XPO5: variants seen among roughly 807,000 people sequenced by gnomAD.
The protein encoded by XPO5 is exportin-5.
Under a neutral mutation model 160.6 loss-of-function variants are expected in XPO5, and 46 were observed. That is an observed-to-expected ratio of 0.29 (90% CI 0.23 to 0.37). XPO5 has a LOEUF of 0.37. XPO5 is among the 10% of genes least tolerant of loss of function. The pLI, the probability that XPO5 is intolerant of heterozygous loss-of-function variation, is 1.00. For synonymous variants in XPO5, 537 were observed against 519.3 expected (o/e 1.03, Z -0.46); for missense variants, 1,090 against 1,463.9 (o/e 0.74, Z 4.17).
At chr6:43,533,877 C>A (rs1263428301) in intron 21 of XPO5, 30 bp downstream of exon 21, 2 of 1,526,624 alleles carry the variant, frequency 1.3e-6, no homozygotes, top group Non-Finnish European at 1.8e-6. Flanking sequence ...ATAAGATAAA[C>A]CTTAGGAGAA....
chr6:43,547,471 G>A, intron 19 of XPO5, 137 bp downstream of exon 19: 1 of 761,108 alleles, frequency 1.3e-6, no homozygotes, highest in Non-Finnish European at 2.3e-6. Context: ...AGAAAAGAAA[G>A]GAGAAGCTTA....
chr6:43,554,080 C>T (rs1380178505), intron 13 of XPO5, among the ~76,000 whole-genome samples: 3 of 152,106 alleles, frequency 2.0e-5, no homozygotes, highest in Admixed American at 1.3e-4. Context: ...AATAGCAAGG[C>T]ACAAGCAAAA....
Position 43,561,968 on chromosome 6 carries a change from G to GT in XPO5, c.1011+278dup, listed in dbSNP as rs1027170745. 4 of 271,828 alleles carry GT rather than the reference G, an allele frequency of 1.5e-5. No homozygotes were observed. The East Asian group carries it at 2.2e-4, about 15-fold the overall frequency. 16.8% of individuals were successfully genotyped at this position (271,828 alleles called of 1,614,324 possible). A position where few individuals can be genotyped will look rare whatever the true frequency, so the allele number is the denominator to read the frequency against. On this transcript the variant is annotated intron_variant, in intron 9 of 31. Transcript: ENST00000265351. The stretch of plus-strand genomic sequence containing the variant: ...AAAGCACTCAGCAGATTGAGGTTCT[G>GT]TAAGTACCAAAATTCACAAGAAACC...
At chr6:43,568,261 C>T (rs1269974374) in intron 6 of XPO5, among the ~76,000 whole-genome samples, 4 of 152,144 alleles carry the variant, frequency 2.6e-5, no homozygotes, top group African/African-American at 4.8e-5. Flanking sequence ...GAGCCGAGAT[C>T]GCGCCACTGC....
rs963788763 is a variant in XPO5 at position 43,575,929 on chromosome 6, C to T, written c.-65G>A. ...CCGGGACCACGAGGCACGACAGCTCCCTCGGCGAGACCACCCGTTGGTACC... is the reference window on the plus strand; with the variant it reads ...CCGGGACCACGAGGCACGACAGCTCTCTCGGCGAGACCACCCGTTGGTACC... On this transcript the variant is annotated 5_prime_UTR_variant, in exon 1 of 32. Transcript: ENST00000265351. 9 of 1,522,110 alleles carry T rather than the reference C, an allele frequency of 5.9e-6. No homozygotes were observed. The highest frequency in any genetic ancestry group is 5.7e-5 in the South Asian group (5 of 87,028). 94.3% of individuals were successfully genotyped at this position (1,522,110 alleles called of 1,614,324 possible).
intron 20 of XPO5, among the ~76,000 whole-genome samples, chr6:43,540,567 C>T (rs948754123): frequency 2.0e-5 from 3 of 152,118 alleles, no homozygotes; most frequent in South Asian, 2.1e-4. Flanking sequence ...ACAGGAGAAG[C>T]GCTTGAACCT....
At chr6:43,529,155 T>TTA (rs929977773) in intron 23 of XPO5, 9 of 1,410,450 alleles carry the variant, frequency 6.4e-6, no homozygotes, top group Non-Finnish European at 8.8e-6. Flanking sequence ...AGGCTGCACA[T>TTA]TATGGTCACT....
At chr6:43,543,033 A>G (rs1794781636) in intron 20 of XPO5, among the ~76,000 whole-genome samples, 1 of 152,246 alleles carries the variant, frequency 6.6e-6, no homozygotes, top group African/African-American at 2.4e-5. Flanking sequence ...GGAGAACAAA[A>G]AAAACACAAG....
In XPO5 at chr6:43,527,644, C is replaced by T. The variant is rs762158922; in HGVS notation, c.2910G>A (p.Met970Ile). 1 of 1,613,960 alleles carries T rather than the reference C, an allele frequency of 6.2e-7. No individual in the cohort carries two copies. Among genetic ancestry groups the T allele is most frequent in the Non-Finnish European group, 8.5e-7 (1 of 1,179,884 alleles). ...QLVRMLTREV[M>I]DLITVCCVSK... ...CGACATGCCACTTACTGATTAGGTC[C>T]ATGACTTCTCGGGTTAACATCCTCA... The change falls in exon 26 of 32, where the codon ATG (methionine) becomes ATA (isoleucine). Residue 970 changes from methionine to isoleucine, a missense_variant. By Grantham distance (10) the Met-to-Ile change is conservative. This residue lies in a region of XPO5 where 810 missense variants were observed against 1,139.0 expected (regional missense o/e 0.71). Transcript: ENST00000265351.
chr6:43,568,867 A>G, intron 5 of XPO5, 130 bp from the exon 6 acceptor site: 1 of 734,300 alleles, frequency 1.4e-6, no homozygotes, highest in Non-Finnish European at 2.1e-6. Context: ...TTGGAAAATA[A>G]CACAACTTTA....
chr6:43,534,059 G>A, intron 20 of XPO5, 52 bp from the exon 21 acceptor site: 4 of 1,426,914 alleles, frequency 2.8e-6, no homozygotes, highest in Non-Finnish European at 3.9e-6. Flanking sequence ...CAGAAGGAAA[G>A]AGTGGGTTTT....
In XPO5 at chr6:43,561,002, T is replaced by G. The variant is rs1161957222; in HGVS notation, c.1017A>C (p.Ala339=). 4 of 1,613,736 alleles carry G rather than the reference T, an allele frequency of 2.5e-6. No homozygotes were observed. The highest frequency in any genetic ancestry group is 2.2e-5 in the South Asian group (2 of 91,074). The part of the protein sequence containing the change: ...LGNQLCALLG[A]DSDVETPSNF... ...TTGATGGTGTTTCTACATCAGAATC[T>G]GCACCCTGTAGGAGAAGACCACTAT... The change falls in exon 10 of 32, where the codon GCA becomes GCC. Residue 339 remains alanine (A), a synonymous_variant. Transcript: ENST00000265351.
At chr6:43,537,995 G>A (rs1794447117) in intron 20 of XPO5, among the ~76,000 whole-genome samples, 1 of 144,392 alleles carries the variant, frequency 6.9e-6, no homozygotes, top group African/African-American at 2.6e-5. Context: ...TGAGGCAGGA[G>A]AATTGCTTGA....
intron 8 of XPO5, among the ~76,000 whole-genome samples, chr6:43,563,462 GAAGA>G (rs1456576838): frequency 6.6e-6 from 1 of 152,170 alleles, no homozygotes; most frequent in Admixed American, 6.6e-5. Flanking sequence ...AGAGCAACTG[GAAGA>G]AAGTACATGG....
intron 17 of XPO5, 22 bp from the exon 18 acceptor site, chr6:43,548,482 A>T: frequency 6.6e-7 from 1 of 1,512,826 alleles, no homozygotes; most frequent in East Asian, 2.3e-5. Flanking sequence ...AAAGAAAAAA[A>T]GCCAGAGGTG....
intron 9 of XPO5, 98 bp downstream of exon 9, chr6:43,562,149 A>G: frequency 1.1e-6 from 1 of 899,744 alleles, no homozygotes; most frequent in Admixed American, 2.4e-5. Flanking sequence ...CCATCAGGCT[A>G]AAATCAATGA....
intron 8 of XPO5, among the ~76,000 whole-genome samples, chr6:43,563,492 T>G (rs567186480): frequency 1.1e-4 from 16 of 152,328 alleles, no homozygotes; most frequent in African/African-American, 3.8e-4. Flanking sequence ...CTTACAGTCA[T>G]GCATCACTTA....
chr6:43,528,713 C>A, intron 24 of XPO5, 115 bp downstream of exon 24: 1 of 997,444 alleles, frequency 1.0e-6, no homozygotes. Flanking sequence ...CTCTGCCCAG[C>A]CAGTCTGGCA....
chr6:43,562,573 T>A (rs1420370673), intron 8 of XPO5, among the ~76,000 whole-genome samples: 2 of 152,176 alleles, frequency 1.3e-5, no homozygotes, highest in Non-Finnish European at 2.9e-5. Flanking sequence ...TTAATAACTA[T>A]GAGTGTGAAA....
Sources: gnomAD v4.1 joint callset for allele counts (sites outside exome capture counted in the v4.1 genomes callset) on GRCh38, gnomAD v4.1.1 for gene constraint, gnomAD v4.1.1 regional missense constraint, MANE v1.5 for transcripts, NCBI Gene and HGNC (gene_info 2026-07-23, HGNC 2026-07-21) for gene names.